AGXT2: variants seen among roughly 807,000 people sequenced by gnomAD.
The protein encoded by AGXT2 is alanine--glyoxylate aminotransferase 2, mitochondrial.
In AGXT2, 61 loss-of-function variants were observed where a neutral mutation model predicts 62.5. The observed-to-expected ratio is 0.98, with a 90% CI of 0.79 to 1.21. The LOEUF is 1.21. AGXT2 is among the 50% of genes most tolerant of loss of function. The pLI is 0.00. For missense variants in AGXT2, 666 were observed against 641.5 expected (o/e 1.04, Z -0.41); for synonymous variants, 243 against 218.7 (o/e 1.11, Z -0.98).
At chr5:35,040,710 C>A (rs1767953751) in intron 1 of AGXT2, 47 bp from the exon 2 acceptor site, 1 of 1,477,516 alleles carries the variant, frequency 6.8e-7, no homozygotes, top group Non-Finnish European at 9.5e-7. Context: ...TGACATAGGT[C>A]TGTTTGTGAA....
chr5:35,020,740 A>G lies in AGXT2; in HGVS notation c.963+5023T>C, dbSNP rs539212554. ...TCTGGCCAGGGCAATTAGGTAGGAG[A>G]AGGAAATAAAGGGTATTCAATAGGA... On this transcript the variant is annotated intron_variant, in intron 9 of 13. Transcript: ENST00000231420. 2.6e-5 allele frequency among the ~76,000 whole-genome samples: 4 copies of G among 152,316 alleles called. No homozygotes were observed. In the East Asian group the frequency reaches 7.7e-4, roughly 29 times the overall value.
At chr5:35,021,094 A>G (rs1481580961) in intron 9 of AGXT2, among the ~76,000 whole-genome samples, 1 of 152,216 alleles carries the variant, frequency 6.6e-6, no homozygotes, top group Non-Finnish European at 1.5e-5. Flanking sequence ...AAATGGAAGA[A>G]TATTCCATGC....
chr5:35,015,830 ACAGAGTGAGACTC>A (rs1428556694), intron 9 of AGXT2, among the ~76,000 whole-genome samples: 1 of 139,942 alleles, frequency 7.1e-6, no homozygotes, highest in Non-Finnish European at 1.5e-5. Context: ...AGCCTGGGCA[ACAGAGTGAGACTC>A]CATCTCAAAA....
At chr5:34,999,725 T>C (rs979375230) in intron 13 of AGXT2, among the ~76,000 whole-genome samples, 3 of 152,210 alleles carry the variant, frequency 2.0e-5, no homozygotes, top group Admixed American at 6.5e-5. Flanking sequence ...TAGACAATCA[T>C]GCCTCATACT....
rs570179259 is a variant in AGXT2, at chr5:35,026,119, G to A, written c.871-264C>T. 2.5e-5 allele frequency: 15 copies of A among 593,592 alleles called. No individual in the cohort carries two copies. The South Asian group carries it at 2.6e-4, about 10-fold the overall frequency. The allele number at this position is 593,592 out of a possible 1,614,324, so 36.8% of individuals were successfully genotyped here. A position where few individuals can be genotyped will look rare whatever the true frequency, so the allele number is the denominator to read the frequency against. ...AGAAATTGGTGAGACTAAAGAAAGA[G>A]TTCTTTGGACAATGCGGATGTTATT... On this transcript the variant is annotated intron_variant, in intron 8 of 13. Coordinates refer to ENST00000231420, the MANE Select transcript of AGXT2 (RefSeq NM_031900.4).
At chr5:35,026,635 C>A in intron 7 of AGXT2, 125 bp from the exon 8 acceptor site, 4 of 1,003,626 alleles carry the variant, frequency 4.0e-6, no homozygotes, top group Non-Finnish European at 6.0e-6. Flanking sequence ...TAATCAGGGA[C>A]TTCAGAATAC....
At chr5:35,014,200 TC>T in intron 9 of AGXT2, 81 bp from the exon 10 acceptor site, 3 of 1,585,672 alleles carry the variant, frequency 1.9e-6, no homozygotes, top group Non-Finnish European at 1.7e-6. Flanking sequence ...ACACCTGTAA[TC>T]CCAGCACTTT....
Position 35,013,984 on chromosome 5 carries a change from T to C in AGXT2, c.1096+3A>G. 6.2e-7 allele frequency: 1 copy of C among 1,613,990 alleles called. No homozygotes were observed. Among genetic ancestry groups the C allele is most frequent in the Non-Finnish European group, 8.5e-7 (1 of 1,179,922 alleles). Reference sequence around the variant, plus strand: ...GCAAACACAAACTGCCTGTGGGTCCTACCTGGAGTGGTTATGACTGCTGCC... The same window carrying C: ...GCAAACACAAACTGCCTGTGGGTCCCACCTGGAGTGGTTATGACTGCTGCC... On this transcript the variant is annotated splice_donor_region_variant and intron_variant, in intron 10 of 13. Transcript: ENST00000231420.
rs187786979 is a variant in AGXT2, at chr5:35,029,538, C to T, written c.770-3028G>A. On this transcript the variant is annotated intron_variant, in intron 7 of 13. Coordinates refer to ENST00000231420, the MANE Select transcript of AGXT2 (RefSeq NM_031900.4). ...CTAGGTTAGGCCACTTCTGCAGAGG[C>T]TTGGCAGGAAGAAAACCCCAAGCGG... Among the ~76,000 whole-genome samples, 603 of 152,280 alleles carry T rather than the reference C, an allele frequency of 4.0e-3. 3 individuals carry two copies. Among genetic ancestry groups the T allele is most frequent in the African/African-American group, 0.014 (583 of 41,536 alleles).
At chr5:35,003,960 GCCC>G (rs1766331476) in intron 12 of AGXT2, 99 bp from the exon 13 acceptor site, 3 of 1,085,348 alleles carry the variant, frequency 2.8e-6, no homozygotes, top group Non-Finnish European at 4.1e-6. Context: ...AGCCATCAAT[GCCC>G]CTCTTTTTTT....
chr5:35,043,296 C>T (rs1055312362), intron 1 of AGXT2, among the ~76,000 whole-genome samples: 8 of 152,114 alleles, frequency 5.3e-5, no homozygotes. Flanking sequence ...AGGGCTTCCT[C>T]ACCCTTTAAA....
At chr5:35,040,105 G>T (rs926997627) in intron 2 of AGXT2, among the ~76,000 whole-genome samples, 3 of 151,994 alleles carry the variant, frequency 2.0e-5, no homozygotes, top group African/African-American at 7.3e-5. Flanking sequence ...GAGAGAGAAA[G>T]AAAGAAAGAG....
intron 13 of AGXT2, among the ~76,000 whole-genome samples, chr5:34,999,040 C>T (rs77117323): frequency 0.024 from 3,598 of 152,270 alleles, 53 homozygotes; most frequent in Non-Finnish European, 0.036. Context: ...TGCCCCTTTT[C>T]CTTTTTGTCA....
At chr5:35,034,656 G>A (rs1266508301) in intron 5 of AGXT2, among the ~76,000 whole-genome samples, 1 of 152,174 alleles carries the variant, frequency 6.6e-6, no homozygotes, top group Admixed American at 6.5e-5. Context: ...TAGTGCTAAT[G>A]TAGCCATTAA....
At chr5:35,029,462 T>G (rs1767481907) in intron 7 of AGXT2, among the ~76,000 whole-genome samples, 1 of 152,230 alleles carries the variant, frequency 6.6e-6, no homozygotes, top group Non-Finnish European at 1.5e-5. Flanking sequence ...TTGACTGTGA[T>G]GAGCTTTTTA....
intron 13 of AGXT2, among the ~76,000 whole-genome samples, chr5:35,002,109 C>T (rs1766247493): frequency 6.6e-6 from 1 of 152,096 alleles, no homozygotes; most frequent in Admixed American, 6.5e-5. Context: ...TAAGCAAGTA[C>T]ACAAGTATCT....
chr5:35,045,976 C>T (rs1768187171), intron 1 of AGXT2, among the ~76,000 whole-genome samples: 1 of 151,974 alleles, frequency 6.6e-6, no homozygotes, highest in South Asian at 2.1e-4. Flanking sequence ...CCCGTGTTAG[C>T]CAGGATGGTC....
At chr5:35,037,320 G>C (rs1767814346) in intron 3 of AGXT2, among the ~76,000 whole-genome samples, 1 of 152,202 alleles carries the variant, frequency 6.6e-6, no homozygotes, top group Non-Finnish European at 1.5e-5. Context: ...TTTTAGAAAA[G>C]AAATGCCTAG....
chr5:35,022,953 A>G (rs529108130), intron 9 of AGXT2, among the ~76,000 whole-genome samples: 5 of 151,644 alleles, frequency 3.3e-5, no homozygotes, highest in Non-Finnish European at 7.4e-5. Flanking sequence ...AAGTTAGCAT[A>G]AAAGAGTCTT....
Sources: gnomAD v4.1 joint callset for allele counts (sites outside exome capture counted in the v4.1 genomes callset) on GRCh38, gnomAD v4.1.1 for gene constraint, MANE v1.5 for transcripts, NCBI Gene and HGNC (gene_info 2026-07-23, HGNC 2026-07-21) for gene names.